ANGPTL1: variants seen among roughly 807,000 people sequenced by gnomAD.
ANGPTL1 encodes the protein angiopoietin like 1, also known as angiopoietin-related protein 1.
ANGPTL1 carries 36 observed loss-of-function variants against 46.7 expected under a neutral mutation model. That is an observed-to-expected ratio of 0.77 (90% CI 0.59 to 1.02). ANGPTL1 has a LOEUF of 1.02. Ranked by LOEUF, ANGPTL1 falls within the 50% of genes least tolerant of loss-of-function variation. ANGPTL1 has a pLI of 0.00. For synonymous variants in ANGPTL1, 221 were observed against 204.3 expected (o/e 1.08, Z -0.69); for missense variants, 571 against 594.7 (o/e 0.96, Z 0.41).
chr1:178,864,920 A>G, intron 3 of ANGPTL1, 34 bp downstream of exon 3: 2 of 1,367,166 alleles, frequency 1.5e-6, no homozygotes, highest in Non-Finnish European at 1.9e-6. Context: ...TATAAACCTC[A>G]TACTCCCACT....
At chr1:178,861,710 C>T (rs73039851) in intron 3 of ANGPTL1, among the ~76,000 whole-genome samples, 7,964 of 152,094 alleles carry the variant, frequency 0.052, 726 homozygotes, top group African/African-American at 0.18. Flanking sequence ...TTATAACTTA[C>T]GTATACAAAC....
chr1:178,858,575 A>G (rs1657745248), intron 3 of ANGPTL1, among the ~76,000 whole-genome samples: 2 of 152,194 alleles, frequency 1.3e-5, no homozygotes, highest in African/African-American at 4.8e-5. Context: ...AAAGCAGGCA[A>G]CTGGAATTCT....
At position 178,868,173 on chromosome 1, in the gene ANGPTL1, T is replaced by A. The variant is rs1489605587; in HGVS notation, c.-27+941A>T. Among the ~76,000 whole-genome samples, 5 of 151,912 alleles carry A rather than the reference T, an allele frequency of 3.3e-5. No individual in the cohort carries two copies. In the East Asian group the frequency reaches 7.7e-4, roughly 23 times the overall value. ...ACATATATAGAAAATTTAGAAACAG[T>A]CATCTATTTTATTTTTAAAAATAGA... is the stretch of plus-strand genomic sequence containing the variant. On this transcript the variant is annotated intron_variant, in intron 2 of 5. Coordinates refer to ENST00000234816, the MANE Select transcript of ANGPTL1 (RefSeq NM_004673.4).
chr1:178,861,239 T>A (rs914057338), intron 3 of ANGPTL1, among the ~76,000 whole-genome samples: 3 of 152,114 alleles, frequency 2.0e-5, no homozygotes, highest in African/African-American at 4.8e-5. Context: ...ATTTAAGAGA[T>A]CCACATTTAT....
At chr1:178,867,214 T>A (rs927951577) in intron 2 of ANGPTL1, among the ~76,000 whole-genome samples, 1 of 152,176 alleles carries the variant, frequency 6.6e-6, no homozygotes, top group Non-Finnish European at 1.5e-5. Context: ...GGCACTGTTT[T>A]AAGCCATTTT....
chr1:178,868,181 T>C (rs1658536743), intron 2 of ANGPTL1, among the ~76,000 whole-genome samples: 1 of 151,948 alleles, frequency 6.6e-6, no homozygotes, highest in East Asian at 1.9e-4. Context: ...AGTCATCTAT[T>C]TTATTTTTAA....
chr1:178,865,108 AAT>A lies in ANGPTL1; in HGVS notation c.667_668del (p.Ile223SerfsTer2), dbSNP rs773998750. The A allele has an allele frequency of 1.1e-4, 173 of 1,574,306 alleles. 1 individual carries two copies. Among genetic ancestry groups the A allele is most frequent in the Non-Finnish European group, 5.2e-6 (6 of 1,158,382 alleles). ...PPLVQVVPQH[I>X]PNSQQYTPGL... ...CAGGAGTATACTGTTGGCTGTTAGG[AAT>A]ATGTTGTGGCACCACCTGGACAAGT... On this transcript the variant is annotated frameshift_variant, in exon 3 of 6. Coordinates refer to ENST00000234816, the MANE Select transcript of ANGPTL1 (RefSeq NM_004673.4). LOFTEE classifies it high-confidence loss of function.
At chr1:178,866,203 G>A (rs1368606280) in intron 2 of ANGPTL1, among the ~76,000 whole-genome samples, 2 of 152,150 alleles carry the variant, frequency 1.3e-5, no homozygotes, top group African/African-American at 4.8e-5. Flanking sequence ...CACAGTGTTT[G>A]TAAGGCATTA....
At position 178,852,949 on chromosome 1, in the gene ANGPTL1, C is replaced by G; in HGVS notation, c.1022G>C (p.Gly341Ala). ...GTATTCTCCGTCAATGTTTCCAAAC[C>G]CTTTCTGTTAATAAGTGAAGAAACA... ...FFRNWENYKK[G>A]FGNIDGEYWL... is the part of the protein sequence containing the mutation. The change falls in exon 5 of 6, where the codon GGG becomes GCG. Residue 341 changes from glycine to alanine, a missense_variant. Coordinates refer to ENST00000234816, the MANE Select transcript of ANGPTL1 (RefSeq NM_004673.4). The G allele has an allele frequency of 1.2e-6, 2 of 1,606,770 alleles. No homozygotes were observed. The highest frequency in any genetic ancestry group is 8.5e-7 in the Non-Finnish European group (1 of 1,176,942).
At chr1:178,862,002 A>G (rs951688667) in intron 3 of ANGPTL1, among the ~76,000 whole-genome samples, 2 of 151,996 alleles carry the variant, frequency 1.3e-5, no homozygotes, top group African/African-American at 4.8e-5. Flanking sequence ...CCTCCTGAAT[A>G]GCTAGGATTA....
intron 3 of ANGPTL1, among the ~76,000 whole-genome samples, chr1:178,856,202 G>GAGAGATATATATAT (rs1428022812): frequency 2.4e-5 from 2 of 83,908 alleles, no homozygotes; most frequent in African/African-American, 1.3e-4. Flanking sequence ...GAGAGAGAGA[G>GAGAGATATATATAT]ATATATATAT....
Position 178,850,368 on chromosome 1 carries a change from C to G in ANGPTL1, c.*761G>C, listed in dbSNP as rs1343866496. 6.6e-6 allele frequency: 1 copy of G among 152,396 alleles called. No individual in the cohort carries two copies. Among genetic ancestry groups the G allele is most frequent in the East Asian group, 1.9e-4 (1 of 5,200 alleles). The allele number at this position is 152,396 out of a possible 1,614,324, so 9.4% of individuals were successfully genotyped here. A position where few individuals can be genotyped will look rare whatever the true frequency, so the allele number is the denominator to read the frequency against. ...GCATTTTTGTAATACCAATATTTTG[C>G]TGATTTTAGAACTACATAAAATGCA... On this transcript the variant is annotated 3_prime_UTR_variant, in exon 6 of 6. Coordinates refer to ENST00000234816, the MANE Select transcript of ANGPTL1 (RefSeq NM_004673.4).
intron 5 of ANGPTL1, among the ~76,000 whole-genome samples, chr1:178,852,213 G>C (rs1471477816): frequency 6.6e-6 from 1 of 152,042 alleles, no homozygotes; most frequent in Non-Finnish European, 1.5e-5. Context: ...TGCCATCCCA[G>C]GCCTTGCTGC....
At chr1:178,856,950 A>C (rs983954913) in intron 3 of ANGPTL1, among the ~76,000 whole-genome samples, 1 of 152,184 alleles carries the variant, frequency 6.6e-6, no homozygotes, top group Non-Finnish European at 1.5e-5. Flanking sequence ...CTTGGAAAAA[A>C]TCCCATGTAA....
chr1:178,865,918 A>G (rs1182673906), intron 2 of ANGPTL1, 116 bp from the exon 3 acceptor site: 12 of 602,376 alleles, frequency 2.0e-5, no homozygotes, highest in Non-Finnish European at 2.5e-5. Context: ...TATTGGTGTT[A>G]ATAGATTAGG....
chr1:178,860,012 C>T (rs1395134725), intron 3 of ANGPTL1, among the ~76,000 whole-genome samples: 1 of 151,990 alleles, frequency 6.6e-6, no homozygotes, highest in East Asian at 1.9e-4. Flanking sequence ...ATTTAATCAT[C>T]ACAACAATTT....
intron 5 of ANGPTL1, 110 bp downstream of exon 5, chr1:178,852,573 G>T: frequency 8.3e-7 from 1 of 1,199,842 alleles, no homozygotes; most frequent in Non-Finnish European, 1.1e-6. Flanking sequence ...CTGCCACAGT[G>T]ACCAAAACTG....
At chr1:178,853,077 C>T (rs988162202) in intron 4 of ANGPTL1, 124 bp from the exon 5 acceptor site, 1 of 1,446,028 alleles carries the variant, frequency 6.9e-7, no homozygotes, top group Non-Finnish European at 9.1e-7. Context: ...ATGTGAGCTT[C>T]CATTTTAGTT....
At chr1:178,856,109 G>A (rs894984923) in intron 3 of ANGPTL1, among the ~76,000 whole-genome samples, 10 of 147,458 alleles carry the variant, frequency 6.8e-5, no homozygotes, top group Non-Finnish European at 1.0e-4. Context: ...AAGGATAATA[G>A]TTTTATCCTT....
Sources: allele counts gnomAD v4.1 joint callset (sites outside exome capture counted in the v4.1 genomes callset), GRCh38; gene constraint gnomAD v4.1.1; transcripts MANE v1.5; gene names NCBI Gene and HGNC (gene_info 2026-07-23, HGNC 2026-07-21).